WDFY3: variants seen among roughly 807,000 people sequenced by gnomAD.
WDFY3 encodes WD repeat and FYVE domain containing 3, also known as WD repeat and FYVE domain-containing protein 3.
WDFY3 carries 66 observed loss-of-function variants against 409.6 expected under a neutral mutation model. That is an observed-to-expected ratio of 0.16 (90% CI 0.13 to 0.20). WDFY3 has a LOEUF of 0.20. Among genes scored for constraint, WDFY3 ranks in the 10% least tolerant of loss-of-function variants. The pLI is 1.00. For synonymous variants in WDFY3, 1,521 were observed against 1,537.1 expected, an observed-to-expected ratio of 0.99 and a Z score of 0.25; for missense variants, 3,031 against 4,298.1, an observed-to-expected ratio of 0.71 and a Z score of 8.24.
chr4:84,931,708 C>CA (rs1392138052), intron 2 of WDFY3, among the ~76,000 whole-genome samples: 2 of 152,004 alleles, frequency 1.3e-5, no homozygotes, highest in Admixed American at 1.3e-4. Context: ...ACAACATGAT[C>CA]AAAAAGGTAC....
chr4:84,929,235 C>T (rs1770413483), intron 2 of WDFY3, among the ~76,000 whole-genome samples: 1 of 152,092 alleles, frequency 6.6e-6, no homozygotes, highest in Admixed American at 6.5e-5. Flanking sequence ...CAGTGAAGAA[C>T]TAAATGCTGC....
chr4:84,755,079 G>A (rs1741204295), intron 34 of WDFY3, among the ~76,000 whole-genome samples, 187 bp downstream of exon 34: 1 of 152,178 alleles, frequency 6.6e-6, no homozygotes. Context: ...GCTCCAGAGT[G>A]CACGGTCTTA....
chr4:84,844,843 A>G (rs1757865625), intron 5 of WDFY3, among the ~76,000 whole-genome samples: 1 of 152,228 alleles, frequency 6.6e-6, no homozygotes, highest in Non-Finnish European at 1.5e-5. Context: ...CAATCTGGCC[A>G]CAACATTATG....
At position 84,677,295 on chromosome 4, in the gene WDFY3, T is replaced by C; in HGVS notation, c.10361A>G (p.Asp3454Gly). 1 of 1,614,210 alleles carries C rather than the reference T, an allele frequency of 6.2e-7. No individual in the cohort carries two copies. Among genetic ancestry groups the C allele is most frequent in the Non-Finnish European group, 8.5e-7 (1 of 1,180,040 alleles). The change falls in exon 67 of 68, where the codon GAT becomes GGT. Residue 3454 changes from aspartate (D) to glycine (G), a missense_variant. Asp to Gly is a moderately conservative substitution (Grantham distance 94, BLOSUM62 -1). Coordinates refer to ENST00000295888, the MANE Select transcript of WDFY3 (RefSeq NM_014991.6). Reference protein sequence around the residue: ...GRSAADHWVKDEGGDSCSGCS... With the variant: ...GRSAADHWVKGEGGDSCSGCS... ...GCCTGAGCAGCTGTCACCACCTTCA[T>C]CCTTCACCCAGTGATCAGCAGCAGA...
chr4:84,865,115 C>T (rs1761196961), intron 3 of WDFY3, among the ~76,000 whole-genome samples: 1 of 152,034 alleles, frequency 6.6e-6, no homozygotes, highest in Non-Finnish European at 1.5e-5. Context: ...TCTCAAACTC[C>T]TCAGCTGAAG....
At chr4:84,957,086 CT>C (rs1279922322) in intron 1 of WDFY3, among the ~76,000 whole-genome samples, 1 of 151,354 alleles carries the variant, frequency 6.6e-6, no homozygotes, top group Non-Finnish European at 1.5e-5. Context: ...AGTGAGACCA[CT>C]TTATAGAGAT....
intron 40 of WDFY3, among the ~76,000 whole-genome samples, chr4:84,737,851 G>T (rs902670672): frequency 6.6e-6 from 1 of 152,114 alleles, no homozygotes; most frequent in African/African-American, 2.4e-5. Context: ...TCGGCCCTCA[G>T]CAATCACCTG....
chr4:84,735,182 T>TTCAAGGGTAATTA, intron 42 of WDFY3, 62 bp from the exon 43 acceptor site: 3 of 1,445,996 alleles, frequency 2.1e-6, no homozygotes, highest in Non-Finnish European at 2.9e-6. Context: ...AATAGTTAAT[T>TTCAAGGGTAATTA]ACCCTTGAAA....
At chr4:84,950,042 T>TAAAAAAGA (rs2151106741) in intron 1 of WDFY3, among the ~76,000 whole-genome samples, 1 of 152,282 alleles carries the variant, frequency 6.6e-6, no homozygotes, top group Non-Finnish European at 1.5e-5. Context: ...ATGTGGCACA[T>TAAAAAAGA]ATACACCATG....
intron 15 of WDFY3, among the ~76,000 whole-genome samples, chr4:84,808,093 T>C (rs1166918793): frequency 6.6e-6 from 1 of 152,166 alleles, no homozygotes; most frequent in Non-Finnish European, 1.5e-5. Context: ...TGAAAACAGT[T>C]GGATGACAAA....
intron 1 of WDFY3, among the ~76,000 whole-genome samples, chr4:84,934,955 C>T (rs1463531494): frequency 6.6e-6 from 1 of 152,084 alleles, no homozygotes; most frequent in Non-Finnish European, 1.5e-5. Context: ...TCTATCAAAA[C>T]GGTATCAAAA....
intron 10 of WDFY3, among the ~76,000 whole-genome samples, chr4:84,822,260 C>CTT (rs2149831190): frequency 6.6e-6 from 1 of 152,184 alleles, no homozygotes; most frequent in South Asian, 2.1e-4. Flanking sequence ...AGCAGCTTGC[C>CTT]TGTAAAAGGA....
intron 36 of WDFY3, among the ~76,000 whole-genome samples, chr4:84,746,525 C>T (rs1236894684): frequency 1.3e-5 from 2 of 152,082 alleles, no homozygotes; most frequent in Admixed American, 6.6e-5. Context: ...TTAACACTGG[C>T]TCAGTCATCA....
chr4:84,713,461 A>G lies in WDFY3; in HGVS notation c.7962-222T>C, dbSNP rs554891815. 1.8e-3 allele frequency among the ~76,000 whole-genome samples: 275 copies of G among 152,358 alleles called. 1 individual carries two copies. Among genetic ancestry groups the G allele is most frequent in the Middle Eastern group, 3.4e-3 (1 of 294 alleles). ...AGCACCTTTAGAAATTAAAAAAATC[A>G]GATAAGTAAAAGTGAATCTCAATCA... On this transcript the variant is annotated intron_variant, in intron 50 of 67. Coordinates refer to ENST00000295888, the MANE Select transcript of WDFY3 (RefSeq NM_014991.6).
chr4:84,808,304 A>C, intron 15 of WDFY3, 30 bp downstream of exon 15: 1 of 1,575,440 alleles, frequency 6.3e-7, no homozygotes. Context: ...CCACACAAAT[A>C]GAGACTGACT....
At chr4:84,715,776 GAAAAAAAAAAAA>G (rs370627075) in intron 49 of WDFY3, among the ~76,000 whole-genome samples, 3 of 46,470 alleles carry the variant, frequency 6.5e-5, no homozygotes, top group Non-Finnish European at 1.3e-4. Flanking sequence ...CTCTGTCTCA[GAAAAAAAAAAAA>G]AAAAAAAAAA....
At position 84,850,029 on chromosome 4, in the gene WDFY3, T is replaced by C. The variant is rs1758657947; in HGVS notation, c.181-4A>G. 3.2e-6 allele frequency: 5 copies of C among 1,576,846 alleles called. No individual in the cohort carries two copies. Among genetic ancestry groups the C allele is most frequent in the African/African-American group, 2.7e-5 (2 of 72,782 alleles). Reference sequence around the variant, plus strand: ...TCGGCGGAGCATTTCCAAAAACCTGTAGATAAGAAAAGACATTGTTAATGA... The same window carrying C: ...TCGGCGGAGCATTTCCAAAAACCTGCAGATAAGAAAAGACATTGTTAATGA... On this transcript the variant is annotated splice_region_variant and splice_polypyrimidine_tract_variant and intron_variant, in intron 4 of 67. Transcript: ENST00000295888.
intron 2 of WDFY3, among the ~76,000 whole-genome samples, chr4:84,930,138 T>C (rs1157950219): frequency 6.6e-6 from 1 of 152,176 alleles, no homozygotes; most frequent in Non-Finnish European, 1.5e-5. Flanking sequence ...AGTACTTTGT[T>C]ACAGCAGCCC....
At chr4:84,763,205 A>G (rs1452150396) in intron 32 of WDFY3, among the ~76,000 whole-genome samples, 1 of 152,222 alleles carries the variant, frequency 6.6e-6, no homozygotes, top group Non-Finnish European at 1.5e-5. Context: ...CAGCCATAAC[A>G]AAGAATGAGT....
Sources: gnomAD v4.1 joint callset for allele counts (sites outside exome capture counted in the v4.1 genomes callset) on GRCh38, gnomAD v4.1.1 for gene constraint, MANE v1.5 for transcripts, NCBI Gene and HGNC (gene_info 2026-07-23, HGNC 2026-07-21) for gene names.